Variants in CELF2 observed in about 807,000 individuals in gnomAD.
CELF2 encodes the protein CUGBP Elav-like family member 2.
In CELF2, 8 loss-of-function variants were observed where a neutral mutation model predicts 62.6. The ratio of observed to expected loss-of-function variants is 0.13; its 90% CI spans 0.07 to 0.23. The LOEUF (loss-of-function observed/expected upper bound fraction) is 0.23. CELF2 is among the 10% of genes least tolerant of loss of function. CELF2 has a pLI of 1.00. For synonymous variants in CELF2, 258 were observed against 250.0 expected (o/e 1.03, Z -0.30); for missense variants, 333 against 671.0 (o/e 0.50, Z 5.56).
intron 2 of CELF2, among the ~76,000 whole-genome samples, chr10:10,933,124 G>A (rs2066258595): frequency 7.6e-6 from 1 of 131,040 alleles, no homozygotes; most frequent in Non-Finnish European, 1.6e-5. Context: ...GCAAAACCAA[G>A]TCTCTTAAAA....
chr10:11,233,519 A>C (rs1273433699), intron 3 of CELF2, among the ~76,000 whole-genome samples: 1 of 152,144 alleles, frequency 6.6e-6, no homozygotes, highest in African/African-American at 2.4e-5. Flanking sequence ...TAAACCCCAG[A>C]CTTAGATACC....
At chr10:10,553,480 G>A in the CELF2 span, among the ~76,000 whole-genome samples, 1 of 152,060 alleles carries the variant, frequency 6.6e-6, no homozygotes, top group South Asian at 2.1e-4. Flanking sequence ...CATTGCACGG[G>A]GAGTTAGGGT....
the CELF2 span, among the ~76,000 whole-genome samples, chr10:10,640,445 C>T: frequency 6.6e-6 from 1 of 152,158 alleles, no homozygotes; most frequent in Non-Finnish European, 1.5e-5. Context: ...CCTTGTGAGC[C>T]TTCTCCAATA....
At chr10:11,018,446 G>A (rs1337912757) in intron 1 of CELF2, among the ~76,000 whole-genome samples, 3 of 151,342 alleles carry the variant, frequency 2.0e-5, no homozygotes, top group Admixed American at 6.6e-5. Context: ...GGACCAGCGG[G>A]CCGAGCGCGG....
intron 2 of CELF2, among the ~76,000 whole-genome samples, chr10:10,939,882 A>C (rs1045782455): frequency 6.6e-6 from 1 of 152,074 alleles, no homozygotes; most frequent in East Asian, 1.9e-4. Context: ...TGATACTAGG[A>C]GGCAGAGCTT....
the CELF2 span, among the ~76,000 whole-genome samples, chr10:10,477,989 C>T: frequency 6.6e-6 from 1 of 152,190 alleles, no homozygotes; most frequent in South Asian, 2.1e-4. Flanking sequence ...GAGATTATCC[C>T]TGAGGTTGTT....
intron 1 of CELF2, among the ~76,000 whole-genome samples, chr10:11,097,743 C>A (rs1163330876): frequency 1.5e-4 from 23 of 152,154 alleles, no homozygotes; most frequent in Non-Finnish European, 4.4e-5. Context: ...TGAGTTTCTA[C>A]GGGGTTTTCC....
rs1248747469 is a variant in CELF2, at chr10:11,334,541, T to TATG, written c.*5489_*5491dup. On this transcript the variant is annotated 3_prime_UTR_variant, in exon 13 of 13. Transcript: ENST00000633077. The stretch of plus-strand genomic sequence containing the variant: ...AACTGCACAGCAGCCACCTTTGATT[T>TATG]ATGTACAACCGCCCACTTGAACTCC... The TATG allele has an allele frequency of 6.6e-6, 1 of 152,618 alleles. No homozygotes were observed. Among genetic ancestry groups the TATG allele is most frequent in the East Asian group, 1.9e-4 (1 of 5,206 alleles). 9.5% of individuals were successfully genotyped at this position (152,618 alleles called of 1,614,324 possible). A position where few individuals can be genotyped will look rare whatever the true frequency, so the allele number is the denominator to read the frequency against.
chr10:10,729,875 A>T, the CELF2 span, among the ~76,000 whole-genome samples: 1 of 152,194 alleles, frequency 6.6e-6, no homozygotes. Flanking sequence ...TTACTCTTAC[A>T]GTGAAACCTG....
chr10:10,547,696 T>A, the CELF2 span, among the ~76,000 whole-genome samples: 12,336 of 74,862 alleles, frequency 0.16, 1,009 homozygotes, highest in East Asian at 0.55. Flanking sequence ...AGAGAGAGTG[T>A]GTGTGTGTGT....
At chr10:10,836,977 G>C (rs372866596) in intron 1 of CELF2, among the ~76,000 whole-genome samples, 1 of 152,102 alleles carries the variant, frequency 6.6e-6, no homozygotes, top group East Asian at 1.9e-4. Context: ...ACATTGGTCT[G>C]GTTAAATTGA....
chr10:11,000,517 T>C (rs79992694), upstream of CELF2, among the ~76,000 whole-genome samples: 1,612 of 152,312 alleles, frequency 0.011, 27 homozygotes, highest in African/African-American at 0.036. Context: ...CTCCTCCTGG[T>C]AAACAGCTCC....
intron 1 of CELF2, among the ~76,000 whole-genome samples, chr10:10,814,240 A>G (rs1004188568): frequency 6.7e-6 from 1 of 148,190 alleles, no homozygotes; most frequent in East Asian, 2.0e-4. Context: ...AAAAAAAAAA[A>G]GCTGCTCTAA....
At chr10:10,474,471 G>A in the CELF2 span, among the ~76,000 whole-genome samples, 1 of 152,008 alleles carries the variant, frequency 6.6e-6, no homozygotes, top group Non-Finnish European at 1.5e-5. Flanking sequence ...AATGTCTATG[G>A]ATCAACAATT....
chr10:10,763,957 T>C, the CELF2 span, among the ~76,000 whole-genome samples: 1 of 152,264 alleles, frequency 6.6e-6, no homozygotes. Flanking sequence ...TATGGTATTG[T>C]AGATGGAGTG....
upstream of CELF2, among the ~76,000 whole-genome samples, chr10:10,797,394 G>GA (rs76696057): frequency 4.3e-3 from 594 of 136,656 alleles, 3 homozygotes; most frequent in African/African-American, 0.012. Flanking sequence ...GCAACAAAGA[G>GA]AAAAAAAAAA....
At chr10:10,832,725 T>C (rs927279788) in intron 1 of CELF2, among the ~76,000 whole-genome samples, 5 of 152,186 alleles carry the variant, frequency 3.3e-5, no homozygotes, top group African/African-American at 4.8e-5. Flanking sequence ...AGTGGTAGTC[T>C]CAAAGTTGCT....
Position 11,103,224 on chromosome 10 carries a change from A to T in CELF2, c.75-62262A>T, listed in dbSNP as rs533895220. On this transcript the variant is annotated intron_variant, in intron 1 of 12. Transcript: ENST00000633077. ...TCCACGCTTTGCCAGAGCCAACCCC[A>T]CACCATGCTTACATCTTTCAAGATT... is the stretch of plus-strand genomic sequence containing the variant. Among the ~76,000 whole-genome samples the T allele has an allele frequency of 2.6e-5, 4 of 152,152 alleles. No individual in the cohort carries two copies. The South Asian group carries it at 6.2e-4, about 24-fold the overall frequency.
At chr10:10,704,892 A>ATTT in the CELF2 span, among the ~76,000 whole-genome samples, 2 of 145,880 alleles carry the variant, frequency 1.4e-5, no homozygotes, top group Non-Finnish European at 1.5e-5. Context: ...CTTATATAAG[A>ATTT]TTTTTTTTTT....
Sources: gnomAD v4.1 joint callset for allele counts (sites outside exome capture counted in the v4.1 genomes callset) on GRCh38, gnomAD v4.1.1 for gene constraint, MANE v1.5 for transcripts, NCBI Gene and HGNC (gene_info 2026-07-23, HGNC 2026-07-21) for gene names.